The following UQCC1 variants were observed in gnomAD, a reference collection of about 807,000 sequenced individuals.
UQCC1 encodes the protein ubiquinol-cytochrome c reductase complex assembly factor 1, also known as bFGF-repressed Zic-binding protein.
A neutral mutation model predicts 48.0 loss-of-function variants in UQCC1; 38 were observed. The observed-to-expected ratio is 0.79, with a 90% CI of 0.61 to 1.04. The LOEUF (loss-of-function observed/expected upper bound fraction) is 1.04, where lower values mean the gene tolerates loss of function less well. UQCC1 is among the 50% of genes least tolerant of loss of function. The probability of loss-of-function intolerance (pLI) is 0.00; values close to 1 mark genes in which losing one functional copy is unlikely to be tolerated. For missense variants in UQCC1, 368 were observed against 381.8 expected, an observed-to-expected ratio of 0.96 and a Z score of 0.30; for synonymous variants, 111 against 129.2, an observed-to-expected ratio of 0.86 and a Z score of 0.95.
chr20:35,400,050 C>G (rs974480861), intron 1 of UQCC1, among the ~76,000 whole-genome samples: 1 of 151,386 alleles, frequency 6.6e-6, no homozygotes, highest in African/African-American at 2.4e-5. Context: ...CTCAGCCTGC[C>G]GAGTAGCTGG....
chr20:35,395,791 A>G lies in UQCC1; in HGVS notation c.25-1595T>C, dbSNP rs200975984. Among the ~76,000 whole-genome samples the G allele has an allele frequency of 5.3e-5, 8 of 152,164 alleles. No homozygotes were observed. In the East Asian group the frequency reaches 1.4e-3, roughly 26 times the overall value. ...AACTTCCAAAATGGGACCAAGACCA[A>G]GCCTCCACATGCTCATTTCTCCAAG... is the stretch of plus-strand genomic sequence containing the variant. On this transcript the variant is annotated intron_variant, in intron 1 of 9. Transcript: ENST00000374385.
At chr20:35,357,258 C>A (rs933990718) in intron 6 of UQCC1, among the ~76,000 whole-genome samples, 1 of 151,672 alleles carries the variant, frequency 6.6e-6, no homozygotes, top group Admixed American at 6.6e-5. Flanking sequence ...CAGTGGCTCA[C>A]GCCTGTAATC....
chr20:35,313,548 A>G (rs1315142642), intron 8 of UQCC1, among the ~76,000 whole-genome samples: 1 of 152,190 alleles, frequency 6.6e-6, no homozygotes, highest in Non-Finnish European at 1.5e-5. Flanking sequence ...CACAGACAAC[A>G]TTCGGAAGGA....
At chr20:35,367,107 AAAC>A (rs2061678054) in intron 5 of UQCC1, among the ~76,000 whole-genome samples, 2 of 149,970 alleles carry the variant, frequency 1.3e-5, no homozygotes, top group Non-Finnish European at 1.5e-5. Flanking sequence ...AAAAAAAAAA[AAAC>A]AAACAAAAAA....
At chr20:35,366,789 G>A (rs560541428) in intron 5 of UQCC1, among the ~76,000 whole-genome samples, 175 bp from the exon 6 acceptor site, 3 of 152,016 alleles carry the variant, frequency 2.0e-5, no homozygotes, top group East Asian at 1.9e-4. Context: ...ATCATAGCAC[G>A]CCAGGAGTAA....
chr20:35,391,703 G>A (rs1300448886), intron 2 of UQCC1, among the ~76,000 whole-genome samples: 3 of 144,506 alleles, frequency 2.1e-5, no homozygotes, highest in East Asian at 2.1e-4. Context: ...ATTTGTTATC[G>A]CAGATCAAAA....
intron 7 of UQCC1, among the ~76,000 whole-genome samples, chr20:35,343,181 C>T (rs2061398778): frequency 6.6e-6 from 1 of 152,126 alleles, no homozygotes; most frequent in Non-Finnish European, 1.5e-5. Flanking sequence ...TACAGAGGTA[C>T]ACCTGGGATG....
intron 6 of UQCC1, among the ~76,000 whole-genome samples, chr20:35,355,256 C>T (rs1205204335): frequency 6.6e-6 from 1 of 152,116 alleles, no homozygotes; most frequent in African/African-American, 2.4e-5. Context: ...AAAACTCTAC[C>T]GCAAATCTCA....
intron 6 of UQCC1, among the ~76,000 whole-genome samples, chr20:35,350,162 C>A (rs2061474662): frequency 6.6e-6 from 1 of 152,166 alleles, no homozygotes; most frequent in African/African-American, 2.4e-5. Context: ...GGGTCTTGCT[C>A]TGTCACCCAG....
chr20:35,309,719 AG>A (rs2146297280), intron 8 of UQCC1, among the ~76,000 whole-genome samples: 1 of 152,302 alleles, frequency 6.6e-6, no homozygotes, highest in East Asian at 1.9e-4. Context: ...GAGGAAGCCA[AG>A]GGGATTGTTT....
chr20:35,318,513 G>A (rs560421300), intron 7 of UQCC1, among the ~76,000 whole-genome samples: 11 of 152,348 alleles, frequency 7.2e-5, no homozygotes, highest in African/African-American at 2.6e-4. Flanking sequence ...AAAACGGAGT[G>A]CAAGAGTAGA....
In UQCC1 at chr20:35,347,410, A is replaced by C. The variant is rs564358638; in HGVS notation, c.465-138T>G. 4.5e-5 allele frequency: 41 copies of C among 919,988 alleles called. No individual in the cohort carries two copies. The African/African-American group carries it at 6.5e-4, about 15-fold the overall frequency. 57.0% of individuals were successfully genotyped at this position (919,988 alleles called of 1,614,324 possible). A position where few individuals can be genotyped will look rare whatever the true frequency, so the allele number is the denominator to read the frequency against. On this transcript the variant is annotated intron_variant, in intron 6 of 9. Coordinates refer to ENST00000374385, the MANE Select transcript of UQCC1 (RefSeq NM_018244.5). The stretch of plus-strand genomic sequence containing the variant: ...ACTGGAAGTGAACTTTTTTTTTTTA[A>C]ACTTTTACTGAGATATAACAAAGAT...
intron 6 of UQCC1, among the ~76,000 whole-genome samples, chr20:35,359,290 AC>A (rs2061579955): frequency 6.6e-6 from 1 of 152,220 alleles, no homozygotes; most frequent in South Asian, 2.1e-4. Flanking sequence ...AGGTTAAGTA[AC>A]TTAAGGTTGC....
chr20:35,402,270 C>T (rs997466262), intron 1 of UQCC1, among the ~76,000 whole-genome samples: 4 of 151,994 alleles, frequency 2.6e-5, no homozygotes, highest in Admixed American at 1.3e-4. Context: ...CAGTGAAACC[C>T]GTCTGTACTA....
intron 7 of UQCC1, among the ~76,000 whole-genome samples, chr20:35,322,793 G>A (rs2061145659): frequency 6.6e-6 from 1 of 152,100 alleles, no homozygotes; most frequent in Non-Finnish European, 1.5e-5. Context: ...ATCACATCCT[G>A]CTTGTAAGTG....
At chr20:35,340,830 AAG>A (rs1382995363) in intron 7 of UQCC1, among the ~76,000 whole-genome samples, 1 of 152,224 alleles carries the variant, frequency 6.6e-6, no homozygotes, top group Non-Finnish European at 1.5e-5. Flanking sequence ...TTTGTAGGGA[AAG>A]AGAGGCGATT....
intron 4 of UQCC1, 39 bp downstream of exon 4, chr20:35,381,879 G>A (rs1426360483): frequency 8.2e-7 from 1 of 1,224,580 alleles, no homozygotes; most frequent in Non-Finnish European, 1.2e-6. Context: ...AAAGCACAAT[G>A]CCCAAAAGGA....
chr20:35,395,522 C>A lies in UQCC1; in HGVS notation c.25-1326G>T, dbSNP rs1017247267. ...TTATTATAAATAAATAAAAAAAAAA[C>A]CATTCCTCTCACCCCAATCACTCTG... On this transcript the variant is annotated intron_variant, in intron 1 of 9. Transcript: ENST00000374385. Among the ~76,000 whole-genome samples, 8 of 150,814 alleles carry A rather than the reference C, an allele frequency of 5.3e-5. No homozygotes were observed. In the East Asian group the frequency reaches 5.9e-4, roughly 11 times the overall value.
In UQCC1 at chr20:35,303,360, T is replaced by C. The variant is rs1568640870; in HGVS notation, c.*575A>G. ...CAGAGACCATCCCAGCCTCTTCCCT[T>C]TCTCCGTCTCTAACTGAGCTGCGCG... is the stretch of plus-strand genomic sequence containing the variant. On this transcript the variant is annotated 3_prime_UTR_variant, in exon 10 of 10. Coordinates refer to ENST00000374385, the MANE Select transcript of UQCC1 (RefSeq NM_018244.5). 1 of 153,280 alleles carries C rather than the reference T, an allele frequency of 6.5e-6. No homozygotes were observed. Among genetic ancestry groups the C allele is most frequent in the Non-Finnish European group, 1.5e-5 (1 of 68,690 alleles). 9.5% of individuals were successfully genotyped at this position (153,280 alleles called of 1,614,324 possible).
Sources: gnomAD v4.1 joint callset for allele counts (sites outside exome capture counted in the v4.1 genomes callset) on GRCh38, gnomAD v4.1.1 for gene constraint, MANE v1.5 for transcripts, NCBI Gene and HGNC (gene_info 2026-07-23, HGNC 2026-07-21) for gene names.